MYCBP2: variants seen among roughly 807,000 people sequenced by gnomAD.
MYCBP2 encodes E3 ubiquitin-protein ligase MYCBP2.
MYCBP2 carries 120 observed loss-of-function variants against 525.3 expected under a neutral mutation model. The observed-to-expected ratio is 0.23, with a 90% CI of 0.20 to 0.27. The LOEUF is 0.27. Ranked by LOEUF, MYCBP2 falls within the 10% of genes least tolerant of loss-of-function variation. The probability of loss-of-function intolerance (pLI) is 1.00; values close to 1 mark genes in which losing one functional copy is unlikely to be tolerated. For synonymous variants in MYCBP2, 1,894 were observed against 1,955.8 expected, an observed-to-expected ratio of 0.97 and a Z score of 0.83; for missense variants, 4,149 against 5,657.1, an observed-to-expected ratio of 0.73 and a Z score of 8.55.
chr13:77,251,723 C>T (rs1359033793), intron 14 of MYCBP2, among the ~76,000 whole-genome samples: 2 of 152,124 alleles, frequency 1.3e-5, no homozygotes, highest in African/African-American at 4.8e-5. Context: ...CTAGATCATC[C>T]TCCTACTGCC....
At chr13:77,309,327 T>C (rs1477208129) in intron 1 of MYCBP2, among the ~76,000 whole-genome samples, 3 of 152,250 alleles carry the variant, frequency 2.0e-5, no homozygotes, top group Non-Finnish European at 4.4e-5. Flanking sequence ...TGAGTGACAG[T>C]ATGTTCACGA....
intron 58 of MYCBP2, 142 bp from the exon 59 acceptor site, chr13:77,093,474 G>A: frequency 1.5e-6 from 1 of 664,994 alleles, no homozygotes; most frequent in Non-Finnish European, 2.4e-6. Flanking sequence ...GATGTAGGTA[G>A]GTGAAAATAA....
chr13:77,160,847 C>T (rs1403159965), intron 44 of MYCBP2, among the ~76,000 whole-genome samples: 1 of 152,102 alleles, frequency 6.6e-6, no homozygotes, highest in Non-Finnish European at 1.5e-5. Context: ...AAGACCTTTC[C>T]ATCTGGGGCT....
At chr13:77,258,050 T>A (rs2072554305) in intron 13 of MYCBP2, among the ~76,000 whole-genome samples, 1 of 152,200 alleles carries the variant, frequency 6.6e-6, no homozygotes, top group Non-Finnish European at 1.5e-5. Context: ...ACTTGGGACA[T>A]ATCTTTACTG....
At chr13:77,045,794 A>AT (rs1271348516) in intron 82 of MYCBP2, among the ~76,000 whole-genome samples, 1 of 152,206 alleles carries the variant, frequency 6.6e-6, no homozygotes, top group Non-Finnish European at 1.5e-5. Flanking sequence ...CAGATATATC[A>AT]TTTTAAAACA....
At chr13:77,126,675 T>G (rs1316971355) in intron 52 of MYCBP2, 133 bp from the exon 53 acceptor site, 2 of 620,328 alleles carry the variant, frequency 3.2e-6, no homozygotes, top group Non-Finnish European at 5.4e-6. Flanking sequence ...TAAAGATAAC[T>G]GAAGAATTAG....
At chr13:77,160,769 T>C (rs1260341340) in intron 44 of MYCBP2, among the ~76,000 whole-genome samples, 1 of 152,196 alleles carries the variant, frequency 6.6e-6, no homozygotes, top group Non-Finnish European at 1.5e-5. Context: ...TTTCCAAATG[T>C]GGGCCCAAAG....
chr13:77,243,285 T>C, intron 16 of MYCBP2, 125 bp from the exon 17 acceptor site: 1 of 763,390 alleles, frequency 1.3e-6, no homozygotes. Context: ...CACAATATTT[T>C]TACTTTAATA....
intron 81 of MYCBP2, 113 bp downstream of exon 81, chr13:77,051,698 T>C (rs2036854657): frequency 1.5e-6 from 1 of 685,294 alleles, no homozygotes; most frequent in South Asian, 2.4e-5. Flanking sequence ...TGAACAAATA[T>C]CAGAAAATAC....
chr13:77,149,705 C>CCTCTTCCATTATCAATTGGACA, intron 47 of MYCBP2, among the ~76,000 whole-genome samples: 1 of 152,136 alleles, frequency 6.6e-6, no homozygotes, highest in Non-Finnish European at 1.5e-5. Context: ...AAAACCTGCC[C>CCTCTTCCATTATCAATTGGACA]CTCTTCCATT....
At chr13:77,315,844 G>A (rs983365449) in intron 1 of MYCBP2, among the ~76,000 whole-genome samples, 2 of 146,886 alleles carry the variant, frequency 1.4e-5, no homozygotes, top group African/African-American at 2.5e-5. Flanking sequence ...TCAGTGAGCC[G>A]AGATTATGCC....
At chr13:77,294,119 TATATATATATACATATATATATACATATA>T (rs2077850366) in intron 2 of MYCBP2, among the ~76,000 whole-genome samples, 1 of 64,138 alleles carries the variant, frequency 1.6e-5, no homozygotes. Context: ...TATATATATA[TATATATATATACATATATATATACATATA>T]TATAAAATAT....
intron 44 of MYCBP2, among the ~76,000 whole-genome samples, chr13:77,160,123 A>G (rs574333168): frequency 1.3e-5 from 2 of 151,018 alleles, no homozygotes; most frequent in African/African-American, 4.9e-5. Context: ...CTGGAGTACA[A>G]TGGCATGATC....
chr13:77,234,274 G>A (rs571057988), intron 17 of MYCBP2, among the ~76,000 whole-genome samples: 1 of 151,746 alleles, frequency 6.6e-6, no homozygotes, highest in South Asian at 2.1e-4. Context: ...AAATTTGACA[G>A]GTTACCATTA....
At chr13:77,234,307 T>C (rs2067565621) in intron 17 of MYCBP2, among the ~76,000 whole-genome samples, 2 of 151,948 alleles carry the variant, frequency 1.3e-5, no homozygotes, top group South Asian at 2.1e-4. Context: ...ATTATGACAC[T>C]ATATAAGCAC....
Position 77,194,153 on chromosome 13 carries a change from C to G in MYCBP2, c.3935G>C (p.Arg1312Thr). 1.3e-6 allele frequency: 2 copies of G among 1,599,036 alleles called. No homozygotes were observed. The highest frequency in any genetic ancestry group is 1.7e-6 in the Non-Finnish European group (2 of 1,169,768). Residue 1312 changes from arginine (R) to threonine (T), a missense_variant and splice_region_variant, in exon 27 of 83, where the codon AGA becomes ACA. By Grantham distance (71) the Arg-to-Thr change is moderately conservative. This residue lies in a region of MYCBP2 where 620 missense variants were observed against 795.5 expected (regional missense o/e 0.78). Transcript: ENST00000544440. ...TDVLAYDCAA[R>T]EKYAMMFDEP... ...AATGAATAATGCACAAATTATTTAC[C>G]TAGCAGCACAGTCATAAGCCAATAC...
Position 77,326,787 on chromosome 13 carries a change from C to T in MYCBP2, c.-12G>A. The T allele has an allele frequency of 7.2e-7, 1 of 1,398,602 alleles. No homozygotes were observed. The highest frequency in any genetic ancestry group is 9.2e-7 in the Non-Finnish European group (1 of 1,088,656). 86.6% of individuals were successfully genotyped at this position (1,398,602 alleles called of 1,614,324 possible). A position where few individuals can be genotyped will look rare whatever the true frequency, so the allele number is the denominator to read the frequency against. On this transcript the variant is annotated 5_prime_UTR_variant, in exon 1 of 83. Coordinates refer to ENST00000544440, the MANE Select transcript of MYCBP2 (RefSeq NM_015057.5). The surrounding 1 kb of genome is among the most constrained non-coding windows in gnomAD (Gnocchi z 4.2). ...GCGCACATCATCATCCTCGCCGCCG[C>T]CGCCGCCGCCGCCGCCTCGTCCCCG...
intron 15 of MYCBP2, among the ~76,000 whole-genome samples, chr13:77,246,265 A>G (rs1404334821): frequency 6.6e-6 from 1 of 152,198 alleles, no homozygotes; most frequent in Non-Finnish European, 1.5e-5. Context: ...CAAGCATTAT[A>G]AACAATTTGG....
At chr13:77,294,131 C>CATATACATATAT (rs1567182838) in intron 2 of MYCBP2, among the ~76,000 whole-genome samples, 6 of 65,692 alleles carry the variant, frequency 9.1e-5, no homozygotes, top group Non-Finnish European at 9.0e-5. Context: ...TATATATATA[C>CATATACATATAT]ATATATATAT....
Sources: gnomAD v4.1 joint callset for allele counts (sites outside exome capture counted in the v4.1 genomes callset) on GRCh38, gnomAD v4.1.1 for gene constraint, gnomAD v4.1.1 regional missense constraint, Gnocchi (gnomAD v3.1) non-coding constraint, MANE v1.5 for transcripts, NCBI Gene and HGNC (gene_info 2026-07-23, HGNC 2026-07-21) for gene names.